The following WDR88 variants were observed in gnomAD, a reference collection of about 807,000 sequenced individuals.
WDR88 encodes WD repeat-containing protein 88.
WDR88 carries 40 observed loss-of-function variants against 46.8 expected under a neutral mutation model. The ratio of observed to expected loss-of-function variants is 0.86; its 90% CI spans 0.66 to 1.11. WDR88 has a LOEUF of 1.11. Ranked by LOEUF, WDR88 falls within the 50% of genes most tolerant of loss-of-function variation. The pLI is 0.00. For missense variants in WDR88, 562 were observed against 602.4 expected (o/e 0.93, Z 0.70); for synonymous variants, 235 against 240.7 (o/e 0.98, Z 0.22).
rs761040967 is a variant in WDR88, at chr19:33,164,287, A to G, written c.1149+22A>G. 20 of 1,608,060 alleles carry G rather than the reference A, an allele frequency of 1.2e-5. No individual in the cohort carries two copies. In the South Asian group the frequency reaches 1.8e-4, roughly 14 times the overall value. Reference sequence around the variant, plus strand: ...CAAGGTAAAAGTGGTCAAGCTTACAATATCGATCACGTTCGCCAGGATTGG... The same window carrying G: ...CAAGGTAAAAGTGGTCAAGCTTACAGTATCGATCACGTTCGCCAGGATTGG... On this transcript the variant is annotated intron_variant, in intron 9 of 10. Coordinates refer to ENST00000355868, the MANE Select transcript of WDR88 (RefSeq NM_173479.4).
At position 33,144,868 on chromosome 19, in the gene WDR88, C is replaced by T. The variant is rs201739777; in HGVS notation, c.412C>T (p.Arg138Cys). 13 of 1,613,632 alleles carry T rather than the reference C, an allele frequency of 8.1e-6. No individual in the cohort carries two copies. The highest frequency in any genetic ancestry group is 1.1e-5 in the South Asian group (1 of 90,902). Reference sequence around the variant, plus strand: ...GGATCCGGTGGACGGTTCTGTGGTTCGCGATTTTGAGCACAGGCCCAAAGC... The same window carrying T: ...GGATCCGGTGGACGGTTCTGTGGTTTGCGATTTTGAGCACAGGCCCAAAGC... ...LWDPVDGSVV[R>C]DFEHRPKAPV... Residue 138 changes from arginine (R) to cysteine (C), a missense_variant, in exon 3 of 11, where the codon CGC becomes TGC. Physicochemically the swap from Arg to Cys is radical, Grantham distance 180. Coordinates refer to ENST00000355868, the MANE Select transcript of WDR88 (RefSeq NM_173479.4).
chr19:33,171,724 T>G (rs7253822), intron 9 of WDR88, among the ~76,000 whole-genome samples: 31,598 of 152,078 alleles, frequency 0.21, 4,751 homozygotes, highest in African/African-American at 0.4. Flanking sequence ...TTACTGTATA[T>G]TTTTGCCAAA....
chr19:33,157,679 GTATGTATGTATATATATATATATATATA>G (rs1449124866), intron 7 of WDR88, among the ~76,000 whole-genome samples: 5,845 of 94,084 alleles, frequency 0.062, 381 homozygotes, highest in Non-Finnish European at 0.072. Flanking sequence ...GTGTGTGTGT[GTATGTATGTATATATATATATATATATA>G]TATATATATA....
chr19:33,157,451 T>C (rs1973757779), intron 7 of WDR88, among the ~76,000 whole-genome samples: 2 of 149,238 alleles, frequency 1.3e-5, no homozygotes, highest in Admixed American at 1.4e-4. Flanking sequence ...TGAGCCAAGA[T>C]TGCACCACTG....
intron 1 of WDR88, among the ~76,000 whole-genome samples, chr19:33,135,954 A>T (rs1321611649): frequency 1.3e-5 from 2 of 151,336 alleles, no homozygotes; most frequent in Admixed American, 1.3e-4. Context: ...CAGTGGCATG[A>T]TCTCAGCTCA....
At chr19:33,154,305 TATC>T (rs1166777601) in intron 6 of WDR88, among the ~76,000 whole-genome samples, 4 of 152,198 alleles carry the variant, frequency 2.6e-5, no homozygotes, top group Non-Finnish European at 5.9e-5. Context: ...TTGCTGCATC[TATC>T]AACACGTCAT....
intron 2 of WDR88, 46 bp from the exon 3 acceptor site, chr19:33,144,798 C>T (rs1465079688): frequency 1.9e-6 from 3 of 1,572,268 alleles, no homozygotes; most frequent in African/African-American, 1.4e-5. Flanking sequence ...CTTCAGCAAA[C>T]ACGGCAGTGA....
rs575375277 is a variant in WDR88 at position 33,133,034 on chromosome 19, G to A, written c.276+589G>A. Among the ~76,000 whole-genome samples, 23 of 151,950 alleles carry A rather than the reference G, an allele frequency of 1.5e-4. No individual in the cohort carries two copies. The South Asian group carries it at 4.8e-3, about 32-fold the overall frequency. ...TAGCCCAGTGTGATGGGGCGCACCT[G>A]TGGTCCCAGCCACTTGAAAGGCTGA... On this transcript the variant is annotated intron_variant, in intron 1 of 10. Coordinates refer to ENST00000355868, the MANE Select transcript of WDR88 (RefSeq NM_173479.4).
intron 9 of WDR88, among the ~76,000 whole-genome samples, chr19:33,170,511 A>G (rs1974020304): frequency 6.6e-6 from 1 of 151,978 alleles, no homozygotes; most frequent in African/African-American, 2.4e-5. Flanking sequence ...GTCAGAAATG[A>G]TAATAGCCAT....
intron 7 of WDR88, among the ~76,000 whole-genome samples, chr19:33,157,720 TATATATATATATATATAAA>T (rs1973786609): frequency 2.5e-5 from 2 of 79,288 alleles, no homozygotes; most frequent in African/African-American, 1.1e-4. Context: ...TATATATATA[TATATATATATATATATAAA>T]ATTAAAGAGG....
chr19:33,157,284 G>A (rs190213453), intron 7 of WDR88, among the ~76,000 whole-genome samples: 13 of 151,642 alleles, frequency 8.6e-5, no homozygotes, highest in African/African-American at 2.9e-4. Flanking sequence ...ATCACCTGAG[G>A]TCAGGAGTTC....
At chr19:33,144,523 A>G (rs1030909801) in intron 2 of WDR88, among the ~76,000 whole-genome samples, 3 of 152,112 alleles carry the variant, frequency 2.0e-5, no homozygotes, top group Admixed American at 6.6e-5. Context: ...TAGATTCTGC[A>G]AAGACTTTTT....
At chr19:33,172,655 A>G (rs1466175419) in intron 10 of WDR88, among the ~76,000 whole-genome samples, 3 of 152,160 alleles carry the variant, frequency 2.0e-5, no homozygotes, top group Non-Finnish European at 2.9e-5. Context: ...TAAGTAATTG[A>G]CAGAAAAATA....
chr19:33,147,498 G>T (rs1177604357), intron 3 of WDR88, 147 bp from the exon 4 acceptor site: 1 of 641,232 alleles, frequency 1.6e-6, no homozygotes, highest in African/African-American at 1.9e-5. Flanking sequence ...AGCTACTCAG[G>T]AGGCTGTGGC....
At chr19:33,138,254 G>A (rs1345724759) in intron 2 of WDR88, among the ~76,000 whole-genome samples, 4 of 152,154 alleles carry the variant, frequency 2.6e-5, no homozygotes, top group Non-Finnish European at 4.4e-5. Flanking sequence ...GTTTCACCAT[G>A]TTGGTCAGGC....
chr19:33,148,002 A>G (rs918566698), intron 4 of WDR88, among the ~76,000 whole-genome samples: 5 of 151,936 alleles, frequency 3.3e-5, no homozygotes, highest in South Asian at 2.1e-4. Flanking sequence ...ACACAGAAAG[A>G]AGCCAGAATT....
At chr19:33,174,051 C>T in intron 10 of WDR88, 1 of 880,868 alleles carries the variant, frequency 1.1e-6, no homozygotes, top group Non-Finnish European at 1.7e-6. Flanking sequence ...GGGGTTTCAC[C>T]ATGTTGGCCA....
At chr19:33,154,306 A>G (rs149288910) in intron 6 of WDR88, among the ~76,000 whole-genome samples, 92 of 152,212 alleles carry the variant, frequency 6.0e-4, no homozygotes, top group African/African-American at 2.0e-3. Flanking sequence ...TGCTGCATCT[A>G]TCAACACGTC....
intron 3 of WDR88, among the ~76,000 whole-genome samples, chr19:33,146,022 A>G (rs984521487): frequency 1.3e-5 from 2 of 152,164 alleles, no homozygotes; most frequent in African/African-American, 2.4e-5. Context: ...GCGGGTGTAG[A>G]GATCCCTTTA....
Sources: gnomAD v4.1 joint callset for allele counts (sites outside exome capture counted in the v4.1 genomes callset) on GRCh38, gnomAD v4.1.1 for gene constraint, MANE v1.5 for transcripts, NCBI Gene and HGNC (gene_info 2026-07-23, HGNC 2026-07-21) for gene names.